Variants in SND1 observed in about 807,000 individuals in gnomAD.
The protein encoded by SND1 is staphylococcal nuclease domain-containing protein 1.
Under a neutral mutation model 121.7 loss-of-function variants are expected in SND1, and 38 were observed. The ratio of observed to expected loss-of-function variants is 0.31; its 90% CI spans 0.24 to 0.41. SND1 has a LOEUF of 0.41. Ranked by LOEUF, SND1 falls within the 10% of genes least tolerant of loss-of-function variation. SND1 has a pLI of 1.00. For synonymous variants in SND1, 401 were observed against 447.4 expected, an observed-to-expected ratio of 0.90 and a Z score of 1.31; for missense variants, 868 against 1,184.6, an observed-to-expected ratio of 0.73 and a Z score of 3.92.
rs180998776 is a variant in SND1, at chr7:127,873,340, C to G, written c.1344-14562C>G. 1.3e-3 allele frequency among the ~76,000 whole-genome samples: 192 copies of G among 152,194 alleles called. 3 individuals carry two copies. The highest frequency in any genetic ancestry group is 4.4e-3 in the Admixed American group (68 of 15,284). Reference sequence around the variant, plus strand: ...CTTCCCTCTTACTCTATCCTAAGTACCTAAGCAGAGGATTAAAGATTAATC... The same window carrying G: ...CTTCCCTCTTACTCTATCCTAAGTAGCTAAGCAGAGGATTAAAGATTAATC... On this transcript the variant is annotated intron_variant, in intron 12 of 23. Coordinates refer to ENST00000354725, the MANE Select transcript of SND1 (RefSeq NM_014390.4).
At position 127,721,359 on chromosome 7, in the gene SND1, T is replaced by A; in HGVS notation, c.1111T>A (p.Ser371Thr). The change falls in exon 10 of 24, where the codon TCC (serine) becomes ACC (threonine). Residue 371 changes from serine to threonine, a missense_variant. By Grantham distance (58) the Ser-to-Thr change is moderately conservative. Transcript: ENST00000354725. ...NSGDYKTIHL[S>T]SIRPPRLEGE... The stretch of plus-strand genomic sequence containing the variant: ...AGGCGATTACAAGACGATTCACCTG[T>A]CCAGCATCCGACCACCGAGGCTGGA... 1 of 1,612,424 alleles carries A rather than the reference T, an allele frequency of 6.2e-7. No homozygotes were observed. Among genetic ancestry groups the A allele is most frequent in the Non-Finnish European group, 8.5e-7 (1 of 1,179,546 alleles).
At chr7:128,051,893 C>G (rs1051555950) in intron 16 of SND1, among the ~76,000 whole-genome samples, 14 of 152,184 alleles carry the variant, frequency 9.2e-5, no homozygotes, top group African/African-American at 3.1e-4. Flanking sequence ...GTTCAGAGAA[C>G]TTTCTAAAAG....
Position 127,888,124 on chromosome 7 carries a change from G to A in SND1, c.1454+112G>A, listed in dbSNP as rs1799945483. ...TGTTGGAAAATAATATGCTGAGAAA[G>A]CATGTATTATTATTCTAGATTTTCC... On this transcript the variant is annotated intron_variant, in intron 13 of 23. Coordinates refer to ENST00000354725, the MANE Select transcript of SND1 (RefSeq NM_014390.4). 8.1e-6 allele frequency: 5 copies of A among 614,404 alleles called. No individual in the cohort carries two copies. In the Admixed American group the frequency reaches 1.0e-4, roughly 13 times the overall value. 38.1% of individuals were successfully genotyped at this position (614,404 alleles called of 1,614,324 possible).
intron 15 of SND1, among the ~76,000 whole-genome samples, chr7:127,954,932 G>C (rs1369667513): frequency 6.6e-6 from 1 of 152,176 alleles, no homozygotes; most frequent in East Asian, 1.9e-4. Context: ...ACAAGCAGCA[G>C]GTTCTCTTGC....
intron 12 of SND1, among the ~76,000 whole-genome samples, chr7:127,845,799 G>T (rs1423880693): frequency 3.9e-5 from 6 of 152,150 alleles, no homozygotes; most frequent in Non-Finnish European, 1.5e-5. Flanking sequence ...TATTAGAATG[G>T]ATTATCTCCT....
intron 1 of SND1, among the ~76,000 whole-genome samples, chr7:127,654,728 A>G (rs1429660679): frequency 6.6e-6 from 1 of 152,196 alleles, no homozygotes. Context: ...TGTACTGAGT[A>G]TAGATTGCAC....
At position 127,707,580 on chromosome 7, in the gene SND1, GA is replaced by G; in HGVS notation, c.973del (p.Ile325TyrfsTer23). On this transcript the variant is annotated frameshift_variant, in exon 9 of 24. Transcript: ENST00000354725. LOFTEE classifies it high-confidence loss of function. ...AERFAKERRLRIWRDYVAPTA... is the reference protein window; with the variant it reads ...AERFAKERRLXIWRDYVAPTA... The stretch of plus-strand genomic sequence containing the variant: ...AGGTTTGCCAAAGAGCGCAGGCTGA[GA>G]ATATGGAGAGACTATGTGGCTCCCA... 6.2e-7 allele frequency: 1 copy of G among 1,614,124 alleles called. No homozygotes were observed. Among genetic ancestry groups the G allele is most frequent in the Non-Finnish European group, 8.5e-7 (1 of 1,179,988 alleles).
chr7:127,832,804 G>T (rs996793974), intron 11 of SND1, among the ~76,000 whole-genome samples: 7 of 152,218 alleles, frequency 4.6e-5, no homozygotes, highest in Admixed American at 3.9e-4. Context: ...TGAGCAGCAG[G>T]CCAGCCAGCG....
chr7:127,829,095 T>C (rs1798694294), intron 11 of SND1, among the ~76,000 whole-genome samples: 3 of 152,188 alleles, frequency 2.0e-5, no homozygotes, highest in African/African-American at 7.2e-5. Flanking sequence ...TATTATTAAC[T>C]AAGATAGGAG....
intron 15 of SND1, among the ~76,000 whole-genome samples, chr7:127,966,948 G>C (rs1240627638): frequency 6.6e-6 from 1 of 152,152 alleles, no homozygotes; most frequent in Non-Finnish European, 1.5e-5. Context: ...AAAATTGATA[G>C]AGCGGCATAT....
rs1319266961 is a variant in SND1 at position 128,071,827 on chromosome 7, G to A, written c.1780-2675G>A. Reference sequence around the variant, plus strand: ...TAAAAGGGAACAGAGCCCCATGGGCGACAGCTTTATCGCCATCTACAACCC... The same window carrying A: ...TAAAAGGGAACAGAGCCCCATGGGCAACAGCTTTATCGCCATCTACAACCC... On this transcript the variant is annotated intron_variant, in intron 16 of 23. Transcript: ENST00000354725. Among the ~76,000 whole-genome samples, 3 of 152,224 alleles carry A rather than the reference G, an allele frequency of 2.0e-5. No homozygotes were observed. The South Asian group carries it at 6.2e-4, about 32-fold the overall frequency.
intron 12 of SND1, 132 bp from the exon 13 acceptor site, chr7:127,887,770 G>A (rs1799939661): frequency 6.9e-6 from 4 of 583,930 alleles, no homozygotes; most frequent in South Asian, 4.1e-5. Context: ...CAACTCATAG[G>A]TCTTGAAACC....
intron 10 of SND1, among the ~76,000 whole-genome samples, chr7:127,753,890 A>G (rs1400255075): frequency 1.3e-5 from 2 of 152,238 alleles, no homozygotes; most frequent in Non-Finnish European, 2.9e-5. Flanking sequence ...ACACCCATCC[A>G]GATCTCAGTG....
chr7:127,769,412 A>G (rs1473985712), intron 10 of SND1, among the ~76,000 whole-genome samples: 2 of 152,154 alleles, frequency 1.3e-5, no homozygotes, highest in African/African-American at 4.8e-5. Context: ...TTGTGCTATT[A>G]CTTGGTGATT....
At chr7:127,994,857 C>T (rs1227433378) in intron 16 of SND1, among the ~76,000 whole-genome samples, 1 of 151,964 alleles carries the variant, frequency 6.6e-6, no homozygotes, top group Non-Finnish European at 1.5e-5. Context: ...GATTACAGGC[C>T]TGCACCACCA....
intron 10 of SND1, among the ~76,000 whole-genome samples, chr7:127,763,124 A>C (rs917109681): frequency 6.6e-6 from 1 of 152,356 alleles, no homozygotes; most frequent in Non-Finnish European, 1.5e-5. Flanking sequence ...CTCATGTCAC[A>C]TAGAAATATG....
intron 11 of SND1, among the ~76,000 whole-genome samples, chr7:127,810,880 C>A (rs1012151453): frequency 6.6e-6 from 1 of 152,134 alleles, no homozygotes; most frequent in Non-Finnish European, 1.5e-5. Flanking sequence ...ATTTCTATCA[C>A]CATGGGAACC....
intron 4 of SND1, among the ~76,000 whole-genome samples, chr7:127,700,399 G>T (rs1796080122): frequency 6.6e-6 from 1 of 152,208 alleles, no homozygotes; most frequent in South Asian, 2.1e-4. Context: ...TTGCTTAGGA[G>T]TCCCTCCTGC....
intron 16 of SND1, among the ~76,000 whole-genome samples, chr7:128,010,652 G>C (rs748315236): frequency 3.3e-5 from 5 of 152,280 alleles, no homozygotes; most frequent in Non-Finnish European, 7.3e-5. Flanking sequence ...CCTCAGGGAA[G>C]TCAAGACTGG....
Sources: gnomAD v4.1 joint callset for allele counts (sites outside exome capture counted in the v4.1 genomes callset) on GRCh38, gnomAD v4.1.1 for gene constraint, MANE v1.5 for transcripts, NCBI Gene and HGNC (gene_info 2026-07-23, HGNC 2026-07-21) for gene names.